Variants in PHACTR3 observed in about 807,000 individuals in gnomAD.
The protein encoded by PHACTR3 is protein phosphatase 1, regulatory subunit 123.
In PHACTR3, 16 loss-of-function variants were observed where a neutral mutation model predicts 66.8. The ratio of observed to expected loss-of-function variants is 0.24; its 90% confidence interval spans 0.16 to 0.36. The LOEUF is 0.36. PHACTR3 is among the 10% of genes least tolerant of loss of function. The pLI is 1.00. For missense variants in PHACTR3, 647 were observed against 719.9 expected (o/e 0.90, Z 1.16); for synonymous variants, 323 against 292.1 (o/e 1.11, Z -1.08).
chr20:59,578,593 C>T (rs1394891041), intron 1 of PHACTR3, among the ~76,000 whole-genome samples: 1 of 152,112 alleles, frequency 6.6e-6, no homozygotes, highest in Non-Finnish European at 1.5e-5. Context: ...GTTGTCACAC[C>T]TGGGGGAACG....
intron 4 of PHACTR3, among the ~76,000 whole-genome samples, chr20:59,764,004 C>T (rs1429242546): frequency 2.0e-5 from 3 of 152,132 alleles, no homozygotes; most frequent in Non-Finnish European, 4.4e-5. Context: ...TACATGAGGT[C>T]AAGACTGTTT....
chr20:59,829,639 C>T lies in PHACTR3; in HGVS notation c.1329-6866C>T, dbSNP rs550262645. ...GGGAATCCCATCTCCAGGCGGGGGCCGCCAGCTTTTCTCAGTGACTCAAGG... is the reference window on the plus strand; with the variant it reads ...GGGAATCCCATCTCCAGGCGGGGGCTGCCAGCTTTTCTCAGTGACTCAAGG... On this transcript the variant is annotated intron_variant, in intron 8 of 12. Coordinates refer to ENST00000371015, the MANE Select transcript of PHACTR3 (RefSeq NM_080672.5). This position sits in a 1 kb window ranked among gnomAD's most constrained non-coding sequence, Gnocchi z 4.2. Among the ~76,000 whole-genome samples the T allele has an allele frequency of 6.6e-5, 10 of 152,168 alleles. No homozygotes were observed. The highest frequency in any genetic ancestry group is 1.9e-4 in the African/African-American group (8 of 41,506).
intron 1 of PHACTR3, among the ~76,000 whole-genome samples, chr20:59,661,977 AG>A (rs1401755317): frequency 1.3e-5 from 2 of 152,132 alleles, no homozygotes; most frequent in East Asian, 3.9e-4. Flanking sequence ...CCCCTGTGAA[AG>A]GAACTCGCGG....
At chr20:59,727,302 A>G (rs1601201573) in intron 1 of PHACTR3, among the ~76,000 whole-genome samples, 1 of 152,202 alleles carries the variant, frequency 6.6e-6, no homozygotes, top group South Asian at 2.1e-4. Flanking sequence ...GGAATGTTCC[A>G]TGGTCTGGAT....
At chr20:59,843,129 C>T (rs1334268400) in intron 11 of PHACTR3, among the ~76,000 whole-genome samples, 4 of 151,662 alleles carry the variant, frequency 2.6e-5, no homozygotes, top group Admixed American at 2.0e-4. Flanking sequence ...AAATAGGTAC[C>T]AAAAATACCT....
chr20:59,704,305 T>C (rs1442820234), intron 1 of PHACTR3, among the ~76,000 whole-genome samples: 1 of 152,216 alleles, frequency 6.6e-6, no homozygotes, highest in Non-Finnish European at 1.5e-5. Flanking sequence ...TATGTTTTCA[T>C]GTTCAGAAGT....
At chr20:59,594,227 G>A (rs1458430296) in intron 1 of PHACTR3, among the ~76,000 whole-genome samples, 5 of 152,072 alleles carry the variant, frequency 3.3e-5, no homozygotes, top group Admixed American at 6.6e-5. Context: ...ATTTTTGGGG[G>A]TGACTTGCTC....
At chr20:59,802,345 G>A (rs1252899723) in intron 7 of PHACTR3, among the ~76,000 whole-genome samples, 1 of 152,170 alleles carries the variant, frequency 6.6e-6, no homozygotes, top group African/African-American at 2.4e-5. Flanking sequence ...ACCTCTGGAG[G>A]TAGGGGAGAT....
At chr20:59,689,509 A>G (rs1410172266) in intron 1 of PHACTR3, among the ~76,000 whole-genome samples, 1 of 152,212 alleles carries the variant, frequency 6.6e-6, no homozygotes, top group Non-Finnish European at 1.5e-5. Flanking sequence ...AACCAAGCTG[A>G]CCGGGTTACA....
intron 1 of PHACTR3, among the ~76,000 whole-genome samples, chr20:59,682,773 C>T (rs367788917): frequency 1.3e-5 from 2 of 152,128 alleles, no homozygotes; most frequent in African/African-American, 2.4e-5. Flanking sequence ...GAATAAGAGC[C>T]GGCCTGGTGG....
intron 1 of PHACTR3, among the ~76,000 whole-genome samples, chr20:59,683,994 G>A (rs989015991): frequency 1.3e-5 from 2 of 152,180 alleles, no homozygotes; most frequent in African/African-American, 2.4e-5. Flanking sequence ...TTGCAAGAAC[G>A]CAGAGAGGGG....
intron 1 of PHACTR3, among the ~76,000 whole-genome samples, chr20:59,598,553 ACT>A (rs2033389331): frequency 6.6e-6 from 1 of 151,928 alleles, no homozygotes; most frequent in South Asian, 2.1e-4. Context: ...TTTCAGGGCG[ACT>A]CTAGCTACCA....
intron 1 of PHACTR3, among the ~76,000 whole-genome samples, chr20:59,614,295 G>A (rs186089038): frequency 6.6e-6 from 1 of 152,362 alleles, no homozygotes; most frequent in Non-Finnish European, 1.5e-5. Context: ...AAAGCACACA[G>A]AGGCAGATGT....
At chr20:59,670,836 C>T (rs1375482817) in intron 1 of PHACTR3, among the ~76,000 whole-genome samples, 4 of 152,176 alleles carry the variant, frequency 2.6e-5, no homozygotes, top group Admixed American at 6.5e-5. Flanking sequence ...GTCTCCAGAA[C>T]GCCTCCCCAG....
Position 59,806,088 on chromosome 20 carries a change from A to G in PHACTR3, c.1222A>G (p.Arg408Gly). ...GAAGGAGCTCCTGGCCGTGAAGCTAAGGAACCGGCCAAGCAAACAGGAACT... is the reference window on the plus strand; with the variant it reads ...GAAGGAGCTCCTGGCCGTGAAGCTAGGGAACCGGCCAAGCAAACAGGAACT... ...CKKELLAVKL[R>G]NRPSKQELED... is the part of the protein sequence containing the mutation. The change falls in exon 8 of 13, where the codon AGG (arginine) becomes GGG (glycine). Residue 408 changes from arginine (R) to glycine (G), a missense_variant. Around this residue, in one of 2 missense-constraint regions of PHACTR3, gnomAD observed 577 missense variants for 571.1 expected, o/e 1.01. Coordinates refer to ENST00000371015, the MANE Select transcript of PHACTR3 (RefSeq NM_080672.5). 1 of 1,614,266 alleles carries G rather than the reference A, an allele frequency of 6.2e-7. No individual in the cohort carries two copies. Among genetic ancestry groups the G allele is most frequent in the African/African-American group, 1.3e-5 (1 of 75,076 alleles).
chr20:59,716,519 C>T (rs1224516821), intron 1 of PHACTR3, among the ~76,000 whole-genome samples: 1 of 149,094 alleles, frequency 6.7e-6, no homozygotes, highest in East Asian at 2.0e-4. Context: ...ACCCAGATTA[C>T]AGGCATGATC....
In PHACTR3 at chr20:59,765,121, C is replaced by G. The variant is rs1049685277; in HGVS notation, c.542-2065C>G. On this transcript the variant is annotated intron_variant, in intron 4 of 12. Transcript: ENST00000371015. Reference sequence around the variant, plus strand: ...AAGGACACCTCACAACTATTTTTACCTAGAAAGCATAAAATATTTACTTTG... The same window carrying G: ...AAGGACACCTCACAACTATTTTTACGTAGAAAGCATAAAATATTTACTTTG... Among the ~76,000 whole-genome samples the G allele has an allele frequency of 4.1e-4, 62 of 152,264 alleles. 1 individual carries two copies. The highest frequency in any genetic ancestry group is 1.5e-3 in the African/African-American group (61 of 41,562).
At chr20:59,687,319 G>C (rs1232791040) in intron 1 of PHACTR3, among the ~76,000 whole-genome samples, 1 of 152,118 alleles carries the variant, frequency 6.6e-6, no homozygotes, top group Non-Finnish European at 1.5e-5. Context: ...GAATGTGACG[G>C]TGTGATGGTG....
intron 1 of PHACTR3, chr20:59,628,267 T>C (rs1245829920): frequency 1.3e-5 from 2 of 152,098 alleles, no homozygotes; most frequent in African/African-American, 2.4e-5. Flanking sequence ...CCTGGCAGGG[T>C]CGCCTGTGTG....
Sources: allele counts gnomAD v4.1 joint callset (sites outside exome capture counted in the v4.1 genomes callset), GRCh38; gene constraint gnomAD v4.1.1; regional missense constraint gnomAD v4.1.1; non-coding constraint Gnocchi (gnomAD v3.1); transcripts MANE v1.5; gene names NCBI Gene and HGNC (gene_info 2026-07-23, HGNC 2026-07-21).